ADCY8: variants seen among roughly 807,000 people sequenced by gnomAD.
ADCY8 encodes the protein adenylate cyclase 8.
A neutral mutation model predicts 119.7 loss-of-function variants in ADCY8; 51 were observed. The observed-to-expected ratio is 0.43, with a 90% CI of 0.34 to 0.54. ADCY8 has a LOEUF of 0.54. Ranked by LOEUF, ADCY8 falls within the 20% of genes least tolerant of loss-of-function variation. The pLI is 0.03. For synonymous variants in ADCY8, 665 were observed against 651.0 expected (o/e 1.02, Z -0.33); for missense variants, 1,383 against 1,598.8 (o/e 0.87, Z 2.30).
intron 1 of ADCY8, among the ~76,000 whole-genome samples, chr8:131,024,272 T>TTAATAA (rs34815362): frequency 1.2e-4 from 18 of 151,912 alleles, no homozygotes; most frequent in African/African-American, 4.4e-4. Context: ...ATAGGAATAA[T>TTAATAA]TAATAATAAT....
chr8:130,874,975 T>A (rs534473525), intron 8 of ADCY8, among the ~76,000 whole-genome samples: 1 of 152,284 alleles, frequency 6.6e-6, no homozygotes, highest in East Asian at 1.9e-4. Flanking sequence ...GCGTTACAAT[T>A]GCTTCAGTGA....
chr8:130,937,062 T>C lies in ADCY8; in HGVS notation c.1481+11A>G. ...GAAGACCCAGGTAACATGATGGGGA[T>C]CACAAATTACCTGATGGTTTTGATC... On this transcript the variant is annotated intron_variant, in intron 5 of 17. Coordinates refer to ENST00000286355, the MANE Select transcript of ADCY8 (RefSeq NM_001115.3). 1 of 1,603,854 alleles carries C rather than the reference T, an allele frequency of 6.2e-7. No individual in the cohort carries two copies. Among genetic ancestry groups the C allele is most frequent in the Non-Finnish European group, 8.5e-7 (1 of 1,173,564 alleles).
At chr8:130,965,407 A>G (rs925963979) in intron 2 of ADCY8, among the ~76,000 whole-genome samples, 1 of 152,236 alleles carries the variant, frequency 6.6e-6, no homozygotes, top group Non-Finnish European at 1.5e-5. Context: ...TGACAAGATC[A>G]GTCATTCCCC....
At chr8:131,039,032 A>G (rs1404311909) in intron 1 of ADCY8, among the ~76,000 whole-genome samples, 3 of 152,144 alleles carry the variant, frequency 2.0e-5, no homozygotes, top group South Asian at 2.1e-4. Context: ...CTAAATCTGG[A>G]TGCTTCTCCT....
intron 14 of ADCY8, among the ~76,000 whole-genome samples, chr8:130,807,545 C>T (rs1816005235): frequency 6.6e-6 from 1 of 152,204 alleles, no homozygotes; most frequent in Non-Finnish European, 1.5e-5. Context: ...CTTTCTGGCT[C>T]TTACACCATG....
intron 1 of ADCY8, among the ~76,000 whole-genome samples, chr8:131,006,610 C>A (rs559519149): frequency 2.2e-4 from 33 of 152,122 alleles, no homozygotes; most frequent in African/African-American, 7.0e-4. Context: ...AACATGAAAT[C>A]TTAGGAAGCT....
intron 8 of ADCY8, 115 bp downstream of exon 8, chr8:130,884,449 C>G: frequency 8.8e-7 from 1 of 1,135,218 alleles, no homozygotes; most frequent in Non-Finnish European, 1.3e-6. Context: ...CCAAACCAAA[C>G]CAAAGCAAAC....
intron 1 of ADCY8, among the ~76,000 whole-genome samples, chr8:131,015,706 A>G (rs1009613465): frequency 6.6e-5 from 10 of 152,150 alleles, no homozygotes; most frequent in Admixed American, 5.2e-4. Context: ...TAAAAAAATT[A>G]TCTTATTTTT....
intron 8 of ADCY8, among the ~76,000 whole-genome samples, chr8:130,868,551 C>T (rs2130393167): frequency 6.6e-6 from 1 of 152,262 alleles, no homozygotes; most frequent in South Asian, 2.1e-4. Flanking sequence ...ATCCAGAGTA[C>T]TCAGTAATTT....
rs764890949 is a variant in ADCY8, at chr8:130,812,645, G to C, written c.2913+1424C>G. Among the ~76,000 whole-genome samples, 7 of 152,204 alleles carry C rather than the reference G, an allele frequency of 4.6e-5. No homozygotes were observed. In the South Asian group the frequency reaches 1.2e-3, roughly 27 times the overall value. On this transcript the variant is annotated intron_variant, in intron 14 of 17. Coordinates refer to ENST00000286355, the MANE Select transcript of ADCY8 (RefSeq NM_001115.3). ...GATTCTCCCCCAGACCCTATGGAGA[G>C]GGCATGAGACTCCCAGCACCTTGAT...
intron 14 of ADCY8, among the ~76,000 whole-genome samples, chr8:130,805,461 C>T (rs1815918352): frequency 6.6e-6 from 1 of 152,176 alleles, no homozygotes; most frequent in Admixed American, 6.5e-5. Flanking sequence ...GGTCGTTTCA[C>T]AGTGGAGGGG....
At chr8:130,979,945 G>A (rs1420782820) in intron 2 of ADCY8, among the ~76,000 whole-genome samples, 1 of 152,174 alleles carries the variant, frequency 6.6e-6, no homozygotes, top group Non-Finnish European at 1.5e-5. Context: ...ACACAATTTG[G>A]TGGTTTAAAA....
Position 131,040,522 on chromosome 8 carries a change from A to G in ADCY8, c.-189T>C, listed in dbSNP as rs2130826339. On this transcript the variant is annotated 5_prime_UTR_variant, in exon 1 of 18. Transcript: ENST00000286355. ...CATACTGTGCCCAGGGGCAAAGGGC[A>G]CCTGGAAGATCGCGGCGGACCTCGG... 2 of 563,832 alleles carry G rather than the reference A, an allele frequency of 3.5e-6. No homozygotes were observed. Among genetic ancestry groups the G allele is most frequent in the South Asian group, 8.2e-5 (1 of 12,240 alleles). 34.9% of individuals were successfully genotyped at this position (563,832 alleles called of 1,614,324 possible). A position where few individuals can be genotyped will look rare whatever the true frequency, so the allele number is the denominator to read the frequency against.
chr8:130,930,520 G>A (rs750925321), intron 5 of ADCY8, among the ~76,000 whole-genome samples: 1 of 152,084 alleles, frequency 6.6e-6, no homozygotes, highest in South Asian at 2.1e-4. Flanking sequence ...CAAAGTGCTG[G>A]GATTACAGGT....
chr8:131,017,434 A>G (rs541407299), intron 1 of ADCY8, among the ~76,000 whole-genome samples: 1 of 152,286 alleles, frequency 6.6e-6, no homozygotes, highest in African/African-American at 2.4e-5. Context: ...GAGACATTCA[A>G]ATTTGGACTC....
At chr8:130,869,526 G>GTTTT (rs1275593013) in intron 8 of ADCY8, among the ~76,000 whole-genome samples, 2 of 114,600 alleles carry the variant, frequency 1.7e-5, no homozygotes, top group African/African-American at 3.1e-5. Context: ...TTGTTTTTTT[G>GTTTT]TTTTTTTTTG....
In ADCY8 at chr8:130,780,470, T is replaced by C; in HGVS notation, c.3676A>G (p.Asn1226Asp). Residue 1226 changes from asparagine to aspartate, a missense_variant, in exon 18 of 18, where the codon AAC becomes GAC. Transcript: ENST00000286355. ...CTGGGTGACAACAAAGTCCGCCGGTTGTAATGACCCTTGATGATTCCTGTG... is the reference window on the plus strand; with the variant it reads ...CTGGGTGACAACAAAGTCCGCCGGTCGTAATGACCCTTGATGATTCCTGTG... The part of the protein sequence containing the change: ...NNTGIIKGHY[N>D]RRTLLSPSGT... 1 of 1,614,020 alleles carries C rather than the reference T, an allele frequency of 6.2e-7. No homozygotes were observed. The highest frequency in any genetic ancestry group is 8.5e-7 in the Non-Finnish European group (1 of 1,179,962).
At chr8:130,973,291 G>C (rs764518492) in intron 2 of ADCY8, among the ~76,000 whole-genome samples, 1 of 152,190 alleles carries the variant, frequency 6.6e-6, no homozygotes, top group South Asian at 2.1e-4. Context: ...GTTGATTCTT[G>C]GCTTAGTCAT....
At chr8:130,816,724 C>T (rs1816359208) in intron 13 of ADCY8, among the ~76,000 whole-genome samples, 1 of 152,030 alleles carries the variant, frequency 6.6e-6, no homozygotes, top group Admixed American at 6.6e-5. Context: ...TGTGACTGGC[C>T]TTCTTAATTA....
Sources: gnomAD v4.1 joint callset for allele counts (sites outside exome capture counted in the v4.1 genomes callset) on GRCh38, gnomAD v4.1.1 for gene constraint, MANE v1.5 for transcripts, NCBI Gene and HGNC (gene_info 2026-07-23, HGNC 2026-07-21) for gene names.